Variants in ANKDD1B observed in about 807,000 individuals in gnomAD.
The protein encoded by ANKDD1B is ankyrin repeat and death domain containing 1B.
Under a neutral mutation model 59.7 loss-of-function variants are expected in ANKDD1B, and 57 were observed. The ratio of observed to expected loss-of-function variants is 0.95; its 90% confidence interval spans 0.77 to 1.19. The LOEUF is 1.19. Ranked by LOEUF, ANKDD1B falls within the 50% of genes most tolerant of loss-of-function variation. The probability of loss-of-function intolerance (pLI) is 0.00; values close to 1 mark genes in which losing one functional copy is unlikely to be tolerated. For synonymous variants in ANKDD1B, 216 were observed against 239.5 expected, an observed-to-expected ratio of 0.90 and a Z score of 0.91; for missense variants, 602 against 641.9, an observed-to-expected ratio of 0.94 and a Z score of 0.67.
chr5:75,658,212 A>C (rs897090125), intron 9 of ANKDD1B, among the ~76,000 whole-genome samples: 10 of 152,118 alleles, frequency 6.6e-5, no homozygotes, highest in African/African-American at 2.4e-4. Flanking sequence ...AAAAAATTAA[A>C]ATATAAATAA....
chr5:75,623,998 A>G (rs138698719), intron 3 of ANKDD1B, among the ~76,000 whole-genome samples: 1 of 152,310 alleles, frequency 6.6e-6, no homozygotes. Context: ...TACAAATAGA[A>G]GTGTACTGCA....
chr5:75,626,235 A>G (rs151288947), intron 5 of ANKDD1B, among the ~76,000 whole-genome samples: 150 of 152,276 alleles, frequency 9.9e-4, no homozygotes, highest in African/African-American at 3.5e-3. Flanking sequence ...ATAGTATCCT[A>G]TCCCCTCTAG....
At chr5:75,660,498 C>T (rs185629889) in intron 10 of ANKDD1B, among the ~76,000 whole-genome samples, 178 of 152,318 alleles carry the variant, frequency 1.2e-3, no homozygotes, top group African/African-American at 4.1e-3. Flanking sequence ...ATTCATCCAT[C>T]GATGGACATT....
intron 7 of ANKDD1B, among the ~76,000 whole-genome samples, chr5:75,641,776 A>G (rs1402274577): frequency 6.6e-6 from 1 of 152,224 alleles, no homozygotes. Flanking sequence ...GTGGGAGTCT[A>G]TATTTGTATA....
intron 11 of ANKDD1B, among the ~76,000 whole-genome samples, chr5:75,664,050 C>A (rs1032961010): frequency 6.6e-6 from 1 of 152,246 alleles, no homozygotes; most frequent in African/African-American, 2.4e-5. Context: ...GACTGCCCTC[C>A]CCTGCAAGAT....
intron 9 of ANKDD1B, 97 bp from the exon 10 acceptor site, chr5:75,659,186 A>G: frequency 1.2e-6 from 1 of 817,210 alleles, no homozygotes; most frequent in South Asian, 1.5e-5. Flanking sequence ...TAAAAAATAT[A>G]TGACCTGTGT....
intron 7 of ANKDD1B, among the ~76,000 whole-genome samples, chr5:75,640,331 A>G (rs901146557): frequency 6.6e-6 from 1 of 152,178 alleles, no homozygotes; most frequent in African/African-American, 2.4e-5. Flanking sequence ...AGGCCGAGCC[A>G]CTGAACCCAG....
intron 2 of ANKDD1B, among the ~76,000 whole-genome samples, chr5:75,618,067 A>G (rs1235020081): frequency 1.3e-5 from 2 of 152,070 alleles, no homozygotes; most frequent in African/African-American, 4.8e-5. Context: ...CTAGAATAGG[A>G]AAGCAGCAAC....
chr5:75,663,540 C>A, intron 11 of ANKDD1B, 51 bp downstream of exon 11: 3 of 1,422,774 alleles, frequency 2.1e-6, no homozygotes, highest in Non-Finnish European at 2.9e-6. Flanking sequence ...CAACACCCAT[C>A]TTCTTGCAGG....
At chr5:75,657,155 T>C (rs142725137) in intron 9 of ANKDD1B, among the ~76,000 whole-genome samples, 2 of 152,336 alleles carry the variant, frequency 1.3e-5, no homozygotes, top group African/African-American at 4.8e-5. Context: ...AAATCTTTGC[T>C]GAACACAGAG....
chr5:75,648,945 A>G (rs1184534370), intron 7 of ANKDD1B, among the ~76,000 whole-genome samples: 1 of 152,034 alleles, frequency 6.6e-6, no homozygotes, highest in Non-Finnish European at 1.5e-5. Flanking sequence ...GAGTGGGTAA[A>G]GGGTTGAGTC....
chr5:75,620,042 A>G (rs2112956999), intron 2 of ANKDD1B, among the ~76,000 whole-genome samples: 1 of 152,352 alleles, frequency 6.6e-6, no homozygotes, highest in East Asian at 1.9e-4. Context: ...CTACAACATA[A>G]TGCTACAATA....
chr5:75,640,365 G>A (rs1466922108), intron 7 of ANKDD1B, among the ~76,000 whole-genome samples: 6 of 152,098 alleles, frequency 3.9e-5, no homozygotes, highest in Admixed American at 6.6e-5. Context: ...TTTCAGCTGA[G>A]GTTTAGTTTT....
rs961725020 is a variant in ANKDD1B, at chr5:75,650,773, A to G, written c.799-2369A>G. ...TTCCTAACAATCCAACCCAAAGCTC[A>G]GTGGCTTAAAACAACAATGTATTAT... On this transcript the variant is annotated intron_variant, in intron 7 of 13. Coordinates refer to ENST00000601380, the MANE Select transcript of ANKDD1B (RefSeq NM_001276713.2). 3.9e-5 allele frequency among the ~76,000 whole-genome samples: 6 copies of G among 152,314 alleles called. No homozygotes were observed. The South Asian group carries it at 8.3e-4, about 21-fold the overall frequency.
intron 5 of ANKDD1B, chr5:75,634,676 G>T (rs1419977505): frequency 1.3e-5 from 6 of 451,036 alleles, no homozygotes; most frequent in Non-Finnish European, 2.4e-5. Flanking sequence ...GTATTTGTGT[G>T]CCACCATGAA....
chr5:75,647,299 T>A (rs1341327675), intron 7 of ANKDD1B, among the ~76,000 whole-genome samples: 2 of 116,412 alleles, frequency 1.7e-5, no homozygotes, highest in East Asian at 2.2e-4. Context: ...GAAACTACCA[T>A]CAGAGTGAAC....
At chr5:75,636,172 C>T (rs1774296150) in intron 7 of ANKDD1B, among the ~76,000 whole-genome samples, 2 of 152,138 alleles carry the variant, frequency 1.3e-5, no homozygotes, top group South Asian at 4.1e-4. Context: ...GCATGCAAAA[C>T]AAATAATGTA....
At chr5:75,667,495 A>AG (rs1775342900) in intron 12 of ANKDD1B, among the ~76,000 whole-genome samples, 1 of 152,144 alleles carries the variant, frequency 6.6e-6, no homozygotes, top group African/African-American at 2.4e-5. Context: ...ACACTGCCTT[A>AG]GGGGAGACTT....
intron 3 of ANKDD1B, among the ~76,000 whole-genome samples, chr5:75,624,070 C>T (rs1773926287): frequency 6.6e-6 from 1 of 152,150 alleles, no homozygotes; most frequent in African/African-American, 2.4e-5. Context: ...TTCCAGATCA[C>T]AAACACAACT....
Sources: allele counts gnomAD v4.1 joint callset (sites outside exome capture counted in the v4.1 genomes callset), GRCh38; gene constraint gnomAD v4.1.1; transcripts MANE v1.5; gene names NCBI Gene and HGNC (gene_info 2026-07-23, HGNC 2026-07-21).